DOCK7: variants seen among roughly 807,000 people sequenced by gnomAD.
DOCK7 encodes dedicator of cytokinesis 7.
In DOCK7, 138 loss-of-function variants were observed where a neutral mutation model predicts 271.0. That is an observed-to-expected ratio of 0.51 (90% CI 0.44 to 0.59). The LOEUF (loss-of-function observed/expected upper bound fraction) is 0.59, where lower values mean the gene tolerates loss of function less well. Among genes scored for constraint, DOCK7 ranks in the 20% least tolerant of loss-of-function variants. The pLI is 0.00. For synonymous variants in DOCK7, 823 were observed against 876.1 expected, an observed-to-expected ratio of 0.94 and a Z score of 1.07; for missense variants, 2,066 against 2,592.4, an observed-to-expected ratio of 0.80 and a Z score of 4.41.
chr1:62,677,210 G>A (rs1029897086), intron 1 of DOCK7, among the ~76,000 whole-genome samples: 1 of 152,080 alleles, frequency 6.6e-6, no homozygotes, highest in Non-Finnish European at 1.5e-5. Flanking sequence ...GATTTGGGTG[G>A]GGCTAACACA....
In DOCK7 at chr1:62,539,536, A is replaced by G; in HGVS notation, c.3300+9T>C. 2 of 1,578,896 alleles carry G rather than the reference A, an allele frequency of 1.3e-6. No homozygotes were observed. Among genetic ancestry groups the G allele is most frequent in the East Asian group, 2.2e-5 (1 of 44,672 alleles). ...ATTTGATTACTAATTATTCCTAACTATGCATTACCTGTTTATAGCAGGACT... is the reference window on the plus strand; with the variant it reads ...ATTTGATTACTAATTATTCCTAACTGTGCATTACCTGTTTATAGCAGGACT... On this transcript the variant is annotated intron_variant, in intron 27 of 49. Coordinates refer to ENST00000635253, the MANE Select transcript of DOCK7 (RefSeq NM_001367561.1).
At chr1:62,467,520 T>C (rs1338637892) in intron 48 of DOCK7, among the ~76,000 whole-genome samples, 1 of 152,176 alleles carries the variant, frequency 6.6e-6, no homozygotes, top group African/African-American at 2.4e-5. Flanking sequence ...TTTTACAATA[T>C]GGACTGTTTA....
At chr1:62,677,704 T>C (rs1660690040) in intron 1 of DOCK7, among the ~76,000 whole-genome samples, 1 of 152,118 alleles carries the variant, frequency 6.6e-6, no homozygotes, top group Admixed American at 6.5e-5. Context: ...AAGCCCCAAA[T>C]AAAGCATCAA....
At position 62,505,786 on chromosome 1, in the gene DOCK7, T is replaced by C. The variant is rs781529879; in HGVS notation, c.4507A>G (p.Ile1503Val). The change falls in exon 36 of 50, where the codon ATT becomes GTT. Residue 1503 changes from isoleucine (I) to valine (V), a missense_variant. Ile to Val is a conservative substitution (Grantham distance 29, BLOSUM62 3). Transcript: ENST00000635253. ...AGCACTTTTAGCACTCCACCAAGAA[T>C]GCTCTCTTTGGATTCCGTTACAGAA... ...TVSVTESKES[I>V]LGGVLKVLLH... 3 of 1,612,490 alleles carry C rather than the reference T, an allele frequency of 1.9e-6. No individual in the cohort carries two copies. Among genetic ancestry groups the C allele is most frequent in the South Asian group, 2.2e-5 (2 of 90,828 alleles).
chr1:62,600,931 C>A (rs1650022194), intron 14 of DOCK7: 1 of 606,786 alleles, frequency 1.6e-6, no homozygotes. Context: ...GTAATCTGTA[C>A]AATCTGAATA....
rs1645312947 is a variant in DOCK7 at position 62,455,240 on chromosome 1, A to G, written c.*174T>C. 3 of 744,022 alleles carry G rather than the reference A, an allele frequency of 4.0e-6. No individual in the cohort carries two copies. Among genetic ancestry groups the G allele is most frequent in the Non-Finnish European group, 7.0e-6 (3 of 425,624 alleles). The allele number at this position is 744,022 out of a possible 1,614,324, so 46.1% of individuals were successfully genotyped here. A position where few individuals can be genotyped will look rare whatever the true frequency, so the allele number is the denominator to read the frequency against. On this transcript the variant is annotated 3_prime_UTR_variant, in exon 50 of 50. Transcript: ENST00000635253. ...GCTTGTTACCAGAACATTAGAAACC[A>G]TAGCCATGATTCTCAAGCGTTAACA... is the stretch of plus-strand genomic sequence containing the variant.
chr1:62,622,609 A>G (rs1216976978), intron 12 of DOCK7, among the ~76,000 whole-genome samples: 1 of 151,812 alleles, frequency 6.6e-6, no homozygotes, highest in Non-Finnish European at 1.5e-5. Context: ...ATACACCAAC[A>G]TGGCCGGCTA....
Position 62,498,974 on chromosome 1 carries a change from A to G in DOCK7, c.4765-2477T>C, listed in dbSNP as rs990140344. 2.3e-4 allele frequency among the ~76,000 whole-genome samples: 35 copies of G among 151,700 alleles called. 1 individual carries two copies. Among genetic ancestry groups the G allele is most frequent in the Admixed American group, 1.8e-3 (28 of 15,222 alleles). On this transcript the variant is annotated intron_variant, in intron 37 of 49. Transcript: ENST00000635253. ...CCGCCACCATGCTTGGCTAATTTTT[A>G]TATTTTTAGTAGAGACAAGGTTTCA...
chr1:62,586,980 C>T (rs1748186), intron 14 of DOCK7, among the ~76,000 whole-genome samples: 3,558 of 152,030 alleles, frequency 0.023, 141 homozygotes, highest in African/African-American at 0.081. Context: ...TGGACTGACA[C>T]ATTATTAAGT....
At chr1:62,619,370 C>T (rs1298954942) in intron 13 of DOCK7, among the ~76,000 whole-genome samples, 1 of 152,158 alleles carries the variant, frequency 6.6e-6, no homozygotes, top group Non-Finnish European at 1.5e-5. Flanking sequence ...TTCCTTCCAT[C>T]CCCCGCTGGG....
At chr1:62,571,982 T>C (rs1229657300) in intron 18 of DOCK7, among the ~76,000 whole-genome samples, 2 of 152,260 alleles carry the variant, frequency 1.3e-5, no homozygotes, top group African/African-American at 4.8e-5. Context: ...GATGGGTTGA[T>C]AGGTGCGGCA....
intron 43 of DOCK7, chr1:62,479,817 AGGAC>A: frequency 5.0e-6 from 1 of 200,592 alleles, no homozygotes; most frequent in Non-Finnish European, 1.1e-5. Flanking sequence ...CTGAGTAGCT[AGGAC>A]TACAGAAGCA....
At chr1:62,556,796 A>T (rs948600458) in intron 20 of DOCK7, among the ~76,000 whole-genome samples, 1 of 152,184 alleles carries the variant, frequency 6.6e-6, no homozygotes, top group African/African-American at 2.4e-5. Flanking sequence ...AAGTAGAATA[A>T]TCAGATAAAA....
chr1:62,665,936 G>C (rs186253464), intron 1 of DOCK7, among the ~76,000 whole-genome samples: 23 of 151,944 alleles, frequency 1.5e-4, no homozygotes, highest in African/African-American at 5.6e-4. Flanking sequence ...GGCCGAGGCG[G>C]GCGGATCACA....
At chr1:62,479,429 T>G (rs1458079009) in intron 43 of DOCK7, among the ~76,000 whole-genome samples, 4 of 152,118 alleles carry the variant, frequency 2.6e-5, no homozygotes, top group Admixed American at 1.3e-4. Context: ...TTAACACACA[T>G]AAAAATTAAC....
At chr1:62,674,178 AT>A (rs896825962) in intron 1 of DOCK7, among the ~76,000 whole-genome samples, 9 of 152,176 alleles carry the variant, frequency 5.9e-5, no homozygotes, top group African/African-American at 2.2e-4. Context: ...AACCAAAAAT[AT>A]TTTTTAATTC....
At chr1:62,537,379 T>G (rs1442527411) in intron 28 of DOCK7, among the ~76,000 whole-genome samples, 1 of 152,008 alleles carries the variant, frequency 6.6e-6, no homozygotes, top group East Asian at 1.9e-4. Context: ...GTCAAGAGAT[T>G]GAGACCATCC....
At chr1:62,473,029 C>T (rs1180630042) in intron 48 of DOCK7, among the ~76,000 whole-genome samples, 2 of 152,134 alleles carry the variant, frequency 1.3e-5, no homozygotes, top group East Asian at 3.9e-4. Flanking sequence ...CCTTTGCTGA[C>T]TTTACTTGGT....
chr1:62,610,045 T>G (rs1651563282), intron 14 of DOCK7, among the ~76,000 whole-genome samples: 1 of 152,050 alleles, frequency 6.6e-6, no homozygotes, highest in African/African-American at 2.4e-5. Context: ...GAGACGGAGT[T>G]TCATCATGTT....
Sources: allele counts gnomAD v4.1 joint callset (sites outside exome capture counted in the v4.1 genomes callset), GRCh38; gene constraint gnomAD v4.1.1; transcripts MANE v1.5; gene names NCBI Gene and HGNC (gene_info 2026-07-23, HGNC 2026-07-21).